The following ZMAT4 variants were observed in gnomAD, a reference collection of about 807,000 sequenced individuals.
ZMAT4 encodes the protein zinc finger matrin-type 4.
Under a neutral mutation model 28.7 loss-of-function variants are expected in ZMAT4, and 17 were observed. The ratio of observed to expected loss-of-function variants is 0.59; its 90% confidence interval spans 0.41 to 0.89. The LOEUF (loss-of-function observed/expected upper bound fraction) is 0.89. ZMAT4 is among the 40% of genes least tolerant of loss of function. The pLI, the probability that ZMAT4 is intolerant of heterozygous loss-of-function variation, is 0.00. For missense variants in ZMAT4, 240 were observed against 283.8 expected (o/e 0.85, Z 1.11); for synonymous variants, 117 against 109.2 (o/e 1.07, Z -0.44).
At chr8:40,742,755 A>ACG (rs1812063552) in intron 3 of ZMAT4, among the ~76,000 whole-genome samples, 1 of 145,094 alleles carries the variant, frequency 6.9e-6, no homozygotes, top group African/African-American at 2.8e-5. Context: ...GCATGCACAC[A>ACG]CACACACACA....
chr8:40,793,699 T>G (rs544506630), intron 2 of ZMAT4, among the ~76,000 whole-genome samples: 4 of 152,210 alleles, frequency 2.6e-5, no homozygotes, highest in Non-Finnish European at 5.9e-5. Flanking sequence ...AACCTGCTGG[T>G]CTGTGAGGAC....
Position 40,829,776 on chromosome 8 carries a change from G to T in ZMAT4, c.-4-4096C>A, listed in dbSNP as rs571824639. On this transcript the variant is annotated intron_variant, in intron 1 of 6. Transcript: ENST00000297737. The stretch of plus-strand genomic sequence containing the variant: ...AATCTCTTCAAGAAAGTTCTACTAG[G>T]GTTGAAAATTTGAGGATGGATAGGA... Among the ~76,000 whole-genome samples, 7 of 152,264 alleles carry T rather than the reference G, an allele frequency of 4.6e-5. No individual in the cohort carries two copies. In the South Asian group the frequency reaches 1.5e-3, roughly 32 times the overall value.
At chr8:40,587,833 A>C (rs955848630) in intron 5 of ZMAT4, among the ~76,000 whole-genome samples, 1 of 152,108 alleles carries the variant, frequency 6.6e-6, no homozygotes, top group Non-Finnish European at 1.5e-5. Flanking sequence ...AGACTAGACA[A>C]AAAGGAAGAT....
chr8:40,677,480 C>T (rs1003376700), intron 4 of ZMAT4, among the ~76,000 whole-genome samples: 4 of 152,142 alleles, frequency 2.6e-5, no homozygotes, highest in Non-Finnish European at 5.9e-5. Flanking sequence ...AAATTTCTAA[C>T]GTCCCTGGTT....
At chr8:40,814,590 C>T (rs1815457496) in intron 2 of ZMAT4, among the ~76,000 whole-genome samples, 1 of 152,092 alleles carries the variant, frequency 6.6e-6, no homozygotes, top group Non-Finnish European at 1.5e-5. Context: ...AGTTATGATA[C>T]AATCATAAAA....
At chr8:40,623,388 G>T (rs1370321691) in intron 5 of ZMAT4, among the ~76,000 whole-genome samples, 2 of 152,134 alleles carry the variant, frequency 1.3e-5, no homozygotes, top group Non-Finnish European at 2.9e-5. Context: ...TTCCTTGCAG[G>T]GTAAGTGTGA....
chr8:40,816,014 G>A (rs1815519890), intron 2 of ZMAT4, among the ~76,000 whole-genome samples: 1 of 152,168 alleles, frequency 6.6e-6, no homozygotes, highest in East Asian at 1.9e-4. Flanking sequence ...CCCCAGTGCA[G>A]GTCCTAATCA....
intron 5 of ZMAT4, among the ~76,000 whole-genome samples, chr8:40,670,227 G>A (rs1808608886): frequency 1.3e-5 from 2 of 152,104 alleles, no homozygotes; most frequent in Admixed American, 6.6e-5. Context: ...AAATTGTCCA[G>A]ATATAGGCTC....
At chr8:40,722,928 T>G (rs373390550) in intron 3 of ZMAT4, among the ~76,000 whole-genome samples, 83 of 152,272 alleles carry the variant, frequency 5.5e-4, no homozygotes, top group African/African-American at 2.0e-3. Context: ...GAATGGCTCA[T>G]GTACAAGAAA....
chr8:40,831,142 T>C (rs1816265922), intron 1 of ZMAT4, among the ~76,000 whole-genome samples: 1 of 152,236 alleles, frequency 6.6e-6, no homozygotes, highest in South Asian at 2.1e-4. Context: ...ATTGCTATTA[T>C]AGTCTTTCTC....
At chr8:40,813,181 A>T (rs1054359396) in intron 2 of ZMAT4, among the ~76,000 whole-genome samples, 4 of 151,836 alleles carry the variant, frequency 2.6e-5, no homozygotes, top group African/African-American at 9.7e-5. Context: ...AAAATTATGT[A>T]AAAAAAATCC....
chr8:40,649,178 C>A (rs1807505539), intron 5 of ZMAT4, among the ~76,000 whole-genome samples: 1 of 151,984 alleles, frequency 6.6e-6, no homozygotes, highest in Admixed American at 6.6e-5. Context: ...TTCAGGAAAC[C>A]CAACTCACGT....
chr8:40,770,548 C>CTTTT (rs1563472551), intron 2 of ZMAT4, among the ~76,000 whole-genome samples: 3 of 62,354 alleles, frequency 4.8e-5, no homozygotes, highest in Non-Finnish European at 7.8e-5. Flanking sequence ...CTTTCTCTCT[C>CTTTT]ATTTTTTTTT....
At chr8:40,746,791 G>A (rs926309906) in intron 3 of ZMAT4, among the ~76,000 whole-genome samples, 2 of 152,070 alleles carry the variant, frequency 1.3e-5, no homozygotes, top group African/African-American at 2.4e-5. Flanking sequence ...TTTCTATGAC[G>A]ACATCCTGCT....
chr8:40,885,528 T>G (rs1818422627), intron 1 of ZMAT4, among the ~76,000 whole-genome samples: 1 of 152,238 alleles, frequency 6.6e-6, no homozygotes, highest in African/African-American at 2.4e-5. Context: ...TTTTTATTTA[T>G]TCATGTATTT....
intron 2 of ZMAT4, among the ~76,000 whole-genome samples, chr8:40,813,579 T>C (rs1815414689): frequency 6.6e-6 from 1 of 152,204 alleles, no homozygotes; most frequent in Admixed American, 6.5e-5. Flanking sequence ...TGGCTTTGGG[T>C]CTTTAAAGCA....
At chr8:40,706,643 G>A (rs1409656582) in intron 3 of ZMAT4, among the ~76,000 whole-genome samples, 1 of 151,992 alleles carries the variant, frequency 6.6e-6, no homozygotes, top group African/African-American at 2.4e-5. Flanking sequence ...TTTAAATTCC[G>A]CTAACATCTA....
intron 5 of ZMAT4, among the ~76,000 whole-genome samples, chr8:40,658,481 G>A (rs1172735132): frequency 1.3e-5 from 2 of 151,984 alleles, no homozygotes; most frequent in Non-Finnish European, 2.9e-5. Context: ...TTGGGATGGG[G>A]CATGGGGGGT....
At chr8:40,702,273 C>T (rs377348708) in intron 3 of ZMAT4, among the ~76,000 whole-genome samples, 2 of 152,170 alleles carry the variant, frequency 1.3e-5, no homozygotes, top group Non-Finnish European at 2.9e-5. Flanking sequence ...GAGTATCTTG[C>T]TGCATCCAGA....
Sources: gnomAD v4.1 joint callset for allele counts (sites outside exome capture counted in the v4.1 genomes callset) on GRCh38, gnomAD v4.1.1 for gene constraint, MANE v1.5 for transcripts, NCBI Gene and HGNC (gene_info 2026-07-23, HGNC 2026-07-21) for gene names.